The following SIL1 variants were observed in gnomAD, a reference collection of about 807,000 sequenced individuals.
SIL1 encodes the protein nucleotide exchange factor SIL1.
SIL1 carries 40 observed loss-of-function variants against 49.1 expected under a neutral mutation model. The ratio of observed to expected loss-of-function variants is 0.81; its 90% CI spans 0.63 to 1.06. The LOEUF (loss-of-function observed/expected upper bound fraction) is 1.06, where lower values mean the gene tolerates loss of function less well. Ranked by LOEUF, SIL1 falls within the 50% of genes least tolerant of loss-of-function variation. The pLI, the probability that SIL1 is intolerant of heterozygous loss-of-function variation, is 0.00. For synonymous variants in SIL1, 253 were observed against 250.8 expected, an observed-to-expected ratio of 1.01 and a Z score of -0.08; for missense variants, 500 against 572.6, an observed-to-expected ratio of 0.87 and a Z score of 1.29.
Position 139,104,745 on chromosome 5 carries a change from G to C in SIL1, c.244+16290C>G, listed in dbSNP as rs1331522862. 3.3e-5 allele frequency among the ~76,000 whole-genome samples: 5 copies of C among 152,164 alleles called. 1 individual carries two copies. Among genetic ancestry groups the C allele is most frequent in the African/African-American group, 9.7e-5 (4 of 41,428 alleles). Reference sequence around the variant, plus strand: ...TTTGTTTGAATTGATTCCCAGGTAGGCTGTGGTTAAGGATTAAGACTTAAG... The same window carrying C: ...TTTGTTTGAATTGATTCCCAGGTAGCCTGTGGTTAAGGATTAAGACTTAAG... On this transcript the variant is annotated intron_variant, in intron 3 of 9. Transcript: ENST00000394817.
intron 7 of SIL1, among the ~76,000 whole-genome samples, chr5:138,985,712 C>T (rs1190854395): frequency 6.6e-6 from 1 of 152,170 alleles, no homozygotes; most frequent in Non-Finnish European, 1.5e-5. Flanking sequence ...GACTGTATCC[C>T]ATGTGTCCAG....
chr5:138,955,037 GTATGGCAGCCCCAT>G (rs139975361), intron 7 of SIL1, among the ~76,000 whole-genome samples: 1,718 of 152,316 alleles, frequency 0.011, 39 homozygotes, highest in African/African-American at 0.039. Context: ...CACATATCAT[GTATGGCAGCCCCAT>G]CCTCCTCCAG....
chr5:139,072,508 G>C (rs1466354969), intron 3 of SIL1, among the ~76,000 whole-genome samples: 1 of 152,106 alleles, frequency 6.6e-6, no homozygotes, highest in African/African-American at 2.4e-5. Flanking sequence ...ACATGTAAAA[G>C]AATGAAATTA....
At chr5:139,017,087 C>A (rs13153618) in intron 7 of SIL1, 62,637 of 152,024 alleles carry the variant, frequency 0.41, 13,598 homozygotes, top group African/African-American at 0.56. Flanking sequence ...CTGGCTCAAG[C>A]AATCCACCTG....
At chr5:139,060,850 A>C (rs1769569969) in intron 3 of SIL1, among the ~76,000 whole-genome samples, 1 of 152,106 alleles carries the variant, frequency 6.6e-6, no homozygotes, top group African/African-American at 2.4e-5. Context: ...AACGTTAGGA[A>C]GGGGAAAATT....
chr5:139,042,724 C>T lies in SIL1; in HGVS notation c.354-5G>A. On this transcript the variant is annotated splice_polypyrimidine_tract_variant and splice_region_variant and intron_variant, in intron 4 of 9. Coordinates refer to ENST00000394817, the MANE Select transcript of SIL1 (RefSeq NM_022464.5). ...GTGTTGGTGTTGATATCCAGCCTGT[C>T]CAAAGAAAACTGAGAGTAAAGAGGG... 6.2e-7 allele frequency: 1 copy of T among 1,613,560 alleles called. No individual in the cohort carries two copies. Among genetic ancestry groups the T allele is most frequent in the Non-Finnish European group, 8.5e-7 (1 of 1,179,650 alleles).
At chr5:139,141,688 A>C (rs185187625) in intron 1 of SIL1, among the ~76,000 whole-genome samples, 1 of 152,180 alleles carries the variant, frequency 6.6e-6, no homozygotes, top group Non-Finnish European at 1.5e-5. Context: ...TGTTGAGTGG[A>C]AGTGAAAGCA....
chr5:139,104,867 C>G (rs1236015932), intron 3 of SIL1, among the ~76,000 whole-genome samples: 2 of 152,196 alleles, frequency 1.3e-5, no homozygotes, highest in Non-Finnish European at 2.9e-5. Context: ...TCCTAAGGGT[C>G]TCTCTGTGAA....
rs1314008437 is a variant in SIL1 at position 138,947,122 on chromosome 5, T to C, written c.1381A>G (p.Arg461Gly). The change falls in exon 10 of 10, where the codon AGA (arginine) becomes GGA (glycine). Residue 461 changes from arginine (R) to glycine (G), a missense_variant. Physicochemically the swap from Arg to Gly is moderately radical, Grantham distance 125. Coordinates refer to ENST00000394817, the MANE Select transcript of SIL1 (RefSeq NM_022464.5). The surrounding 1 kb of genome is among the most constrained non-coding windows in gnomAD (Gnocchi z 4.1). ...GSVNSLLKEL[R>G] ...TCCAGTCCTGGTGTGGGGCCTCATCTCAGCTCCTTCAGCAAGCTGTTGACA... is the reference window on the plus strand; with the variant it reads ...TCCAGTCCTGGTGTGGGGCCTCATCCCAGCTCCTTCAGCAAGCTGTTGACA... 22 of 1,612,544 alleles carry C rather than the reference T, an allele frequency of 1.4e-5. No individual in the cohort carries two copies. The highest frequency in any genetic ancestry group is 1.9e-5 in the Non-Finnish European group (22 of 1,179,328).
intron 3 of SIL1, among the ~76,000 whole-genome samples, chr5:139,075,951 C>T (rs1317144095): frequency 2.0e-5 from 3 of 152,148 alleles, no homozygotes; most frequent in Non-Finnish European, 2.9e-5. Flanking sequence ...ATTCCCAATA[C>T]GATCTGCCAA....
intron 1 of SIL1, among the ~76,000 whole-genome samples, chr5:139,194,761 T>C (rs1198857285): frequency 1.3e-5 from 2 of 152,158 alleles, no homozygotes; most frequent in Non-Finnish European, 2.9e-5. Flanking sequence ...AAAAGAGGCT[T>C]ACTACAAGAG....
intron 7 of SIL1, among the ~76,000 whole-genome samples, chr5:138,953,642 G>C (rs1766835495): frequency 1.3e-5 from 2 of 152,106 alleles, no homozygotes; most frequent in Admixed American, 6.5e-5. Flanking sequence ...CAGATAGGCA[G>C]GCAGGCGCTG....
rs79605640 is a variant in SIL1 at position 139,085,018 on chromosome 5, C to A, written c.245-33972G>T. On this transcript the variant is annotated intron_variant, in intron 3 of 9. Transcript: ENST00000394817. ...CCATCTAGCAGCATGCCGTGAATAGCATTCTGTGGCAACAAATGTACATCC... is the reference window on the plus strand; with the variant it reads ...CCATCTAGCAGCATGCCGTGAATAGAATTCTGTGGCAACAAATGTACATCC... Among the ~76,000 whole-genome samples the A allele has an allele frequency of 1.9e-3, 288 of 152,276 alleles. 4 individuals are homozygous for A. In the East Asian group the frequency reaches 0.025, roughly 13 times the overall value.
intron 7 of SIL1, among the ~76,000 whole-genome samples, chr5:138,996,288 A>C (rs758396737): frequency 6.6e-6 from 1 of 152,150 alleles, no homozygotes; most frequent in Non-Finnish European, 1.5e-5. Flanking sequence ...AGTGAAGCTG[A>C]GCATCTTTTC....
At chr5:139,015,522 G>A (rs1173000194) in intron 7 of SIL1, among the ~76,000 whole-genome samples, 1 of 152,172 alleles carries the variant, frequency 6.6e-6, no homozygotes, top group Non-Finnish European at 1.5e-5. Flanking sequence ...TCACGAAAGT[G>A]GCTAAACTAC....
rs1166338758 is a variant in SIL1, at chr5:139,127,802, C to T, written c.42G>A (p.Leu14=). Residue 14 remains leucine, a synonymous_variant, in exon 2 of 10, where the codon CTG becomes CTA. Transcript: ENST00000394817. The part of the protein sequence containing the change: ...QSLPSSRMAP[L]GMLLGLLMAA... Reference sequence around the variant, plus strand: ...CCATCAGCAGCCCAAGCAGCATGCCCAGAGGAGCCATCCTAGATGAAGGCA... The same window carrying T: ...CCATCAGCAGCCCAAGCAGCATGCCTAGAGGAGCCATCCTAGATGAAGGCA... 1.2e-6 allele frequency: 2 copies of T among 1,609,864 alleles called. No homozygotes were observed. Among genetic ancestry groups the T allele is most frequent in the Non-Finnish European group, 1.7e-6 (2 of 1,178,864 alleles).
intron 1 of SIL1, among the ~76,000 whole-genome samples, chr5:139,152,392 A>C (rs1751320242): frequency 6.6e-6 from 1 of 152,110 alleles, no homozygotes; most frequent in Non-Finnish European, 1.5e-5. Flanking sequence ...AGGCCGAGGC[A>C]GGTGGACTGC....
At chr5:139,040,916 C>G (rs916260124) in intron 5 of SIL1, among the ~76,000 whole-genome samples, 2 of 152,090 alleles carry the variant, frequency 1.3e-5, no homozygotes, top group African/African-American at 4.8e-5. Context: ...AATGCCATCA[C>G]CTGAGAAAAG....
intron 1 of SIL1, among the ~76,000 whole-genome samples, chr5:139,156,744 G>A (rs901444881): frequency 6.6e-6 from 1 of 152,186 alleles, no homozygotes; most frequent in Admixed American, 6.5e-5. Context: ...AGGAAGAACA[G>A]ATTTTGCCCT....
Sources: allele counts gnomAD v4.1 joint callset (sites outside exome capture counted in the v4.1 genomes callset), GRCh38; gene constraint gnomAD v4.1.1; non-coding constraint Gnocchi (gnomAD v3.1); transcripts MANE v1.5; gene names NCBI Gene and HGNC (gene_info 2026-07-23, HGNC 2026-07-21).